NVL: variants seen among roughly 807,000 people sequenced by gnomAD.
NVL encodes nuclear VCP like, also known as nuclear valosin-containing protein-like.
Under a neutral mutation model 110.2 loss-of-function variants are expected in NVL, and 84 were observed. The observed-to-expected ratio is 0.76, with a 90% CI of 0.64 to 0.91. The LOEUF (loss-of-function observed/expected upper bound fraction) is 0.91. Among genes scored for constraint, NVL ranks in the 40% least tolerant of loss-of-function variants. The pLI is 0.00. For missense variants in NVL, 882 were observed against 1,035.9 expected (o/e 0.85, Z 2.04); for synonymous variants, 354 against 361.1 (o/e 0.98, Z 0.22).
chr1:224,294,794 T>C (rs1233400721), intron 11 of NVL, among the ~76,000 whole-genome samples: 2 of 152,084 alleles, frequency 1.3e-5, no homozygotes, highest in African/African-American at 2.4e-5. Context: ...GCTTGAAGGG[T>C]AAATACAATT....
At chr1:224,267,894 T>A in intron 18 of NVL, 140 bp downstream of exon 18, 1 of 618,264 alleles carries the variant, frequency 1.6e-6, no homozygotes, top group Non-Finnish European at 2.7e-6. Flanking sequence ...AATTTAATCT[T>A]CCTTTCCTAG....
At chr1:224,266,104 C>T (rs1664476021) in intron 18 of NVL, among the ~76,000 whole-genome samples, 1 of 152,144 alleles carries the variant, frequency 6.6e-6, no homozygotes, top group Non-Finnish European at 1.5e-5. Flanking sequence ...ATATTAAGCC[C>T]ATCCTTACTA....
chr1:224,236,966 T>C (rs1660557088), intron 19 of NVL, among the ~76,000 whole-genome samples: 1 of 152,218 alleles, frequency 6.6e-6, no homozygotes, highest in Non-Finnish European at 1.5e-5. Flanking sequence ...GCTGTTTGAC[T>C]AAATGAGTAT....
intron 18 of NVL, among the ~76,000 whole-genome samples, chr1:224,252,264 C>G (rs891738132): frequency 6.6e-6 from 1 of 152,232 alleles, no homozygotes; most frequent in Non-Finnish European, 1.5e-5. Context: ...TAAACTCTCT[C>G]ACCTTCCTTT....
chr1:224,266,483 G>A (rs931979294), intron 18 of NVL, among the ~76,000 whole-genome samples: 2 of 151,942 alleles, frequency 1.3e-5, no homozygotes, highest in African/African-American at 4.8e-5. Context: ...CTACCCTTTC[G>A]CCTTGGGGTG....
chr1:224,245,810 G>T (rs190305005), intron 19 of NVL, among the ~76,000 whole-genome samples: 104 of 151,900 alleles, frequency 6.8e-4, no homozygotes, highest in Admixed American at 2.6e-3. Context: ...AAAATTAGCC[G>T]GGCGTGGTAG....
At chr1:224,261,023 G>A (rs1183703424) in intron 18 of NVL, among the ~76,000 whole-genome samples, 4 of 152,012 alleles carry the variant, frequency 2.6e-5, no homozygotes, top group African/African-American at 7.3e-5. Context: ...CTATGGGCAC[G>A]TGCTACCACG....
intron 5 of NVL, 100 bp downstream of exon 5, chr1:224,311,700 G>T: frequency 1.1e-6 from 1 of 888,378 alleles, no homozygotes; most frequent in Non-Finnish European, 1.9e-6. Context: ...GATTAGAGGT[G>T]TGAGTCACCA....
chr1:224,231,730 T>C (rs1659894806), intron 21 of NVL, among the ~76,000 whole-genome samples: 1 of 152,132 alleles, frequency 6.6e-6, no homozygotes, highest in Admixed American at 6.6e-5. Context: ...AGCACTGGTT[T>C]AGAAGGGAGC....
At chr1:224,240,486 C>T (rs930484524) in intron 19 of NVL, among the ~76,000 whole-genome samples, 1 of 152,192 alleles carries the variant, frequency 6.6e-6, no homozygotes, top group East Asian at 1.9e-4. Context: ...GCTGGGATTA[C>T]AGGCGTGAGC....
chr1:224,269,936 C>CTTTTTTTTTTT (rs11375664), intron 17 of NVL: 1 of 131,744 alleles, frequency 7.6e-6, no homozygotes, highest in Non-Finnish European at 1.6e-5. Context: ...CTTTTTCTTT[C>CTTTTTTTTTTT]TTTTTTTTTT....
At chr1:224,315,057 CTT>C (rs71168402) in intron 4 of NVL, among the ~76,000 whole-genome samples, 641 of 143,124 alleles carry the variant, frequency 4.5e-3, no homozygotes, top group Middle Eastern at 0.011. Flanking sequence ...AACTCTGTTT[CTT>C]TTTTTTTTTT....
At chr1:224,293,016 A>G (rs976806600) in intron 12 of NVL, among the ~76,000 whole-genome samples, 1 of 151,704 alleles carries the variant, frequency 6.6e-6, no homozygotes, top group Admixed American at 6.6e-5. Flanking sequence ...CGGCCTCCCA[A>G]AGTGCTAGGA....
intron 5 of NVL, among the ~76,000 whole-genome samples, chr1:224,309,130 T>C (rs1007080865): frequency 6.8e-6 from 1 of 147,972 alleles, no homozygotes; most frequent in Admixed American, 6.7e-5. Context: ...GGTGGTTAAA[T>C]AAAATAAAGT....
At chr1:224,303,951 T>A in intron 8 of NVL, 94 bp from the exon 9 acceptor site, 1 of 1,367,054 alleles carries the variant, frequency 7.3e-7, no homozygotes, top group Non-Finnish European at 9.8e-7. Flanking sequence ...ATGGAGTAGA[T>A]AGGTAGAATA....
At chr1:224,273,339 G>T (rs1665389492) in intron 17 of NVL, among the ~76,000 whole-genome samples, 1 of 151,846 alleles carries the variant, frequency 6.6e-6, no homozygotes, top group Non-Finnish European at 1.5e-5. Context: ...CTTGAACCTG[G>T]GAGGCAGAGG....
At chr1:224,314,588 A>G (rs888766860) in intron 4 of NVL, among the ~76,000 whole-genome samples, 2 of 152,218 alleles carry the variant, frequency 1.3e-5, no homozygotes, top group African/African-American at 4.8e-5. Context: ...GAAAAAGAAG[A>G]CTCGGGGGGA....
intron 18 of NVL, among the ~76,000 whole-genome samples, chr1:224,265,680 C>T (rs1471952119): frequency 6.6e-6 from 1 of 152,082 alleles, no homozygotes; most frequent in Non-Finnish European, 1.5e-5. Context: ...AGATGTGGGA[C>T]CTTTAAAAGG....
chr1:224,283,815 T>C (rs1666606450), intron 15 of NVL, among the ~76,000 whole-genome samples: 1 of 152,202 alleles, frequency 6.6e-6, no homozygotes, highest in African/African-American at 2.4e-5. Flanking sequence ...ATGACTGTGT[T>C]GTTCTCTTCT....
Sources: allele counts gnomAD v4.1 joint callset (sites outside exome capture counted in the v4.1 genomes callset), GRCh38; gene constraint gnomAD v4.1.1; transcripts MANE v1.5; gene names NCBI Gene and HGNC (gene_info 2026-07-23, HGNC 2026-07-21).